The following NELL2 variants were observed in gnomAD, a reference collection of about 807,000 sequenced individuals.
NELL2 encodes the protein neural EGFL like 2, also known as protein kinase C-binding protein NELL2.
A neutral mutation model predicts 109.6 loss-of-function variants in NELL2; 41 were observed. That is an observed-to-expected ratio of 0.37 (90% CI 0.29 to 0.49). The LOEUF is 0.49. NELL2 is among the 20% of genes least tolerant of loss of function. The probability of loss-of-function intolerance (pLI) is 0.98; values close to 1 mark genes in which losing one functional copy is unlikely to be tolerated. For synonymous variants in NELL2, 355 were observed against 344.7 expected (o/e 1.03, Z -0.33); for missense variants, 900 against 1,008.3 (o/e 0.89, Z 1.45).
At chr12:44,605,320 G>A (rs937866250) in intron 15 of NELL2, among the ~76,000 whole-genome samples, 1 of 152,124 alleles carries the variant, frequency 6.6e-6, no homozygotes, top group Non-Finnish European at 1.5e-5. Context: ...CGAAGAGTAA[G>A]GTGATGTATA....
chr12:44,795,793 A>T (rs1211330941), intron 3 of NELL2, among the ~76,000 whole-genome samples: 1 of 152,156 alleles, frequency 6.6e-6, no homozygotes, highest in Non-Finnish European at 1.5e-5. Context: ...TTCCTCATTT[A>T]TTATAGAAAA....
At chr12:44,871,492 T>C (rs1247591031) in intron 2 of NELL2, among the ~76,000 whole-genome samples, 1 of 152,200 alleles carries the variant, frequency 6.6e-6, no homozygotes, top group Admixed American at 6.5e-5. Flanking sequence ...TACTGGAGCT[T>C]AGAGAAATTA....
chr12:44,754,391 G>A (rs557583999), intron 9 of NELL2, among the ~76,000 whole-genome samples: 1 of 152,134 alleles, frequency 6.6e-6, no homozygotes, highest in South Asian at 2.1e-4. Context: ...TCACCCTTTT[G>A]TTTCTCTGTT....
At chr12:44,615,568 T>C (rs992381230) in intron 13 of NELL2, among the ~76,000 whole-genome samples, 1 of 152,198 alleles carries the variant, frequency 6.6e-6, no homozygotes, top group Non-Finnish European at 1.5e-5. Context: ...TATTGATTGC[T>C]ATGTAATTGA....
chr12:44,604,623 C>T (rs2060842), intron 15 of NELL2, among the ~76,000 whole-genome samples: 73,306 of 151,824 alleles, frequency 0.48, 18,687 homozygotes, highest in African/African-American at 0.65. Flanking sequence ...ACATCCTGTA[C>T]CCTCATGAGA....
chr12:44,661,892 CCT>C (rs903278814), intron 13 of NELL2, among the ~76,000 whole-genome samples: 2 of 151,752 alleles, frequency 1.3e-5, no homozygotes, highest in Admixed American at 6.6e-5. Flanking sequence ...TCTCTATTTC[CCT>C]CTCTCTGTTC....
intron 13 of NELL2, among the ~76,000 whole-genome samples, chr12:44,629,655 T>C (rs1446148231): frequency 6.6e-6 from 1 of 152,180 alleles, no homozygotes; most frequent in Non-Finnish European, 1.5e-5. Context: ...GGTTAAAAGG[T>C]TATTTTCCTC....
intron 12 of NELL2, among the ~76,000 whole-genome samples, chr12:44,668,002 C>T (rs765046579): frequency 2.6e-5 from 4 of 152,130 alleles, no homozygotes; most frequent in African/African-American, 9.7e-5. Flanking sequence ...AAAGCAACTA[C>T]AGCATGGTGC....
chr12:44,818,725 A>ATTTTTTT lies in NELL2; in HGVS notation c.185-2596_185-2590dup, dbSNP rs1409987918. Among the ~76,000 whole-genome samples, 70 of 72,178 alleles carry ATTTTTTT rather than the reference A, an allele frequency of 9.7e-4. 10 individuals are homozygous for ATTTTTTT. The highest frequency in any genetic ancestry group is 1.2e-3 in the Non-Finnish European group (46 of 39,392). The allele number at this position is 72,178 out of a possible 152,430, so 47.4% of individuals were successfully genotyped here. On this transcript the variant is annotated intron_variant, in intron 2 of 19. Coordinates refer to ENST00000429094, the MANE Select transcript of NELL2 (RefSeq NM_001145108.2). ...CTGAGAGGCTATATTTTGTTCACTT[A>ATTTTTTT]TTTTTTTTTTTTTATTTTTTTTTTT...
chr12:44,752,955 A>C (rs1479238655), intron 9 of NELL2, among the ~76,000 whole-genome samples: 1 of 152,172 alleles, frequency 6.6e-6, no homozygotes, highest in Non-Finnish European at 1.5e-5. Context: ...AAGGTCTTGC[A>C]CGGTCTTGTA....
upstream of NELL2, among the ~76,000 whole-genome samples, chr12:44,877,957 G>A (rs548290233): frequency 3.9e-4 from 60 of 152,246 alleles, no homozygotes; most frequent in Middle Eastern, 6.8e-3. Context: ...TTCTACAGCT[G>A]TGCATCTAAA....
intron 13 of NELL2, among the ~76,000 whole-genome samples, chr12:44,621,604 G>A (rs898407805): frequency 6.6e-5 from 10 of 151,960 alleles, no homozygotes; most frequent in Admixed American, 2.0e-4. Flanking sequence ...CCTCATATCT[G>A]ATCAAATTTT....
chr12:44,671,520 T>C (rs957817018), intron 12 of NELL2, among the ~76,000 whole-genome samples: 4 of 151,772 alleles, frequency 2.6e-5, no homozygotes, highest in Non-Finnish European at 5.9e-5. Flanking sequence ...AAAGATAAAA[T>C]AAATTATTAC....
intron 15 of NELL2, among the ~76,000 whole-genome samples, chr12:44,553,989 T>C (rs1263581363): frequency 6.6e-6 from 1 of 152,146 alleles, no homozygotes; most frequent in East Asian, 1.9e-4. Context: ...GCCTCCAATA[T>C]GGTAGGAGTA....
At chr12:44,653,430 G>A (rs1475003691) in intron 13 of NELL2, among the ~76,000 whole-genome samples, 3 of 152,152 alleles carry the variant, frequency 2.0e-5, no homozygotes, top group African/African-American at 7.2e-5. Flanking sequence ...TGGAGAAAAG[G>A]GGGCCAGGGA....
rs1487069028 is a variant in NELL2 at position 44,634,394 on chromosome 12, C to T, written c.1445-23424G>A. Among the ~76,000 whole-genome samples, 4 of 148,258 alleles carry T rather than the reference C, an allele frequency of 2.7e-5. No individual in the cohort carries two copies. In the South Asian group the frequency reaches 9.0e-4, roughly 34 times the overall value. ...GTGTCCATGTGTGCTCATTGTTCAA[C>T]ACCCACTTATTAGTGAGAACATGTG... On this transcript the variant is annotated intron_variant, in intron 13 of 19. Transcript: ENST00000429094.
intron 15 of NELL2, among the ~76,000 whole-genome samples, chr12:44,574,399 T>C (rs917112229): frequency 3.3e-5 from 5 of 152,220 alleles, no homozygotes; most frequent in African/African-American, 1.2e-4. Flanking sequence ...GGTGGGGTAA[T>C]ATGTTCATCT....
intron 9 of NELL2, among the ~76,000 whole-genome samples, chr12:44,754,365 G>T (rs1940788943): frequency 6.6e-6 from 1 of 152,096 alleles, no homozygotes; most frequent in Non-Finnish European, 1.5e-5. Flanking sequence ...TATACTTAAA[G>T]GTAAAGCATG....
rs377368706 is a variant in NELL2 at position 44,566,566 on chromosome 12, C to CACACACACAGAG, written c.1664-33846_1664-33845insCTCTGTGTGTGT. ...ACACACACACACACACACACACACA[C>CACACACACAGAG]AGAGTTTTATGAATAGCAATAGGAG... On this transcript the variant is annotated intron_variant, in intron 15 of 19. Transcript: ENST00000429094. Among the ~76,000 whole-genome samples the CACACACACAGAG allele has an allele frequency of 2.5e-3, 351 of 138,506 alleles. 1 individual carries two copies. Among genetic ancestry groups the CACACACACAGAG allele is most frequent in the African/African-American group, 8.6e-3 (333 of 38,744 alleles). The allele number at this position is 138,506 out of a possible 152,430, so 90.9% of individuals were successfully genotyped here.
Sources: gnomAD v4.1 joint callset for allele counts (sites outside exome capture counted in the v4.1 genomes callset) on GRCh38, gnomAD v4.1.1 for gene constraint, MANE v1.5 for transcripts, NCBI Gene and HGNC (gene_info 2026-07-23, HGNC 2026-07-21) for gene names.